ARHGAP22: variants seen among roughly 807,000 people sequenced by gnomAD.
ARHGAP22 encodes the protein Rho GTPase activating protein 22, also known as rho GTPase-activating protein 22.
In ARHGAP22, 48 loss-of-function variants were observed where a neutral mutation model predicts 59.1. That is an observed-to-expected ratio of 0.81 (90% CI 0.64 to 1.03). The LOEUF is 1.03. Among genes scored for constraint, ARHGAP22 ranks in the 50% least tolerant of loss-of-function variants. The pLI is 0.00. For synonymous variants in ARHGAP22, 445 were observed against 416.4 expected, an observed-to-expected ratio of 1.07 and a Z score of -0.84; for missense variants, 1,015 against 958.7, an observed-to-expected ratio of 1.06 and a Z score of -0.78.
chr10:48,549,731 C>T (rs77093048), intron 3 of ARHGAP22, among the ~76,000 whole-genome samples: 3,880 of 152,234 alleles, frequency 0.025, 174 homozygotes, highest in African/African-American at 0.09. Context: ...TATAGCTTTG[C>T]CTGCCCCCAA....
chr10:48,489,075 A>C (rs1053801195), intron 3 of ARHGAP22, among the ~76,000 whole-genome samples: 2 of 152,116 alleles, frequency 1.3e-5, no homozygotes, highest in African/African-American at 4.8e-5. Context: ...CATTGTTTCA[A>C]ATATTTTGTG....
chr10:48,515,930 C>T (rs1057343803), intron 3 of ARHGAP22, among the ~76,000 whole-genome samples: 5 of 151,890 alleles, frequency 3.3e-5, no homozygotes, highest in Non-Finnish European at 7.4e-5. Context: ...AGGAAGATCG[C>T]TTGAGCCCAG....
intron 3 of ARHGAP22, among the ~76,000 whole-genome samples, chr10:48,553,043 C>G (rs1484135157): frequency 6.6e-6 from 1 of 152,214 alleles, no homozygotes; most frequent in East Asian, 1.9e-4. Context: ...CAAGCATGAG[C>G]TTCGAGTGCA....
chr10:48,557,394 A>G (rs1349173047), intron 2 of ARHGAP22, among the ~76,000 whole-genome samples: 5 of 152,196 alleles, frequency 3.3e-5, no homozygotes, highest in African/African-American at 9.7e-5. Context: ...GCTAAATGGA[A>G]AAGCAGTAAT....
chr10:48,534,161 G>A (rs2055131287), intron 3 of ARHGAP22, among the ~76,000 whole-genome samples: 1 of 152,232 alleles, frequency 6.6e-6, no homozygotes. Flanking sequence ...CAGCTGCCAC[G>A]GATGCTGTTC....
At chr10:48,495,018 A>G (rs963903086) in intron 3 of ARHGAP22, among the ~76,000 whole-genome samples, 2 of 152,196 alleles carry the variant, frequency 1.3e-5, no homozygotes, top group East Asian at 3.9e-4. Context: ...CTCCCACCCA[A>G]TTAGTCTTAC....
intron 2 of ARHGAP22, among the ~76,000 whole-genome samples, chr10:48,577,806 T>G (rs1267522596): frequency 9.1e-5 from 10 of 109,492 alleles, no homozygotes; most frequent in South Asian, 4.1e-4. Context: ...TTTTGGTTTT[T>G]TTTTTTTTTT....
the ARHGAP22 span, chr10:48,436,706 G>A: frequency 7.9e-5 from 12 of 152,190 alleles, no homozygotes; most frequent in African/African-American, 2.9e-4. Flanking sequence ...CAATATTTAA[G>A]ATTAAAATAC....
chr10:48,524,529 C>T (rs1452305720), intron 3 of ARHGAP22, among the ~76,000 whole-genome samples: 2 of 152,042 alleles, frequency 1.3e-5, no homozygotes, highest in Non-Finnish European at 2.9e-5. Flanking sequence ...GGTGGGGGGC[C>T]ACACCGGCCT....
At chr10:48,475,272 G>A (rs4342982) in intron 4 of ARHGAP22, among the ~76,000 whole-genome samples, 24,580 of 151,932 alleles carry the variant, frequency 0.16, 2,635 homozygotes, top group East Asian at 0.61. Context: ...TCCCTCTTGG[G>A]GCTTGCTCTC....
intron 3 of ARHGAP22, among the ~76,000 whole-genome samples, chr10:48,530,780 C>T (rs899014320): frequency 9.9e-5 from 15 of 152,028 alleles, no homozygotes; most frequent in African/African-American, 3.6e-4. Context: ...TAGATGTTGG[C>T]GTGGATGTGG....
At chr10:48,627,064 T>G (rs1005806588) in intron 1 of ARHGAP22, among the ~76,000 whole-genome samples, 1 of 152,138 alleles carries the variant, frequency 6.6e-6, no homozygotes, top group African/African-American at 2.4e-5. Flanking sequence ...AGCTTCCGGG[T>G]TGGTGAACAC....
intron 5 of ARHGAP22, among the ~76,000 whole-genome samples, chr10:48,458,984 C>G (rs1589481090): frequency 6.6e-6 from 1 of 152,230 alleles, no homozygotes; most frequent in East Asian, 1.9e-4. Context: ...CCTGGTGGGC[C>G]CATCCTGGGG....
chr10:48,489,867 G>A (rs1237189515), intron 3 of ARHGAP22, among the ~76,000 whole-genome samples: 2 of 151,742 alleles, frequency 1.3e-5, no homozygotes, highest in African/African-American at 4.8e-5. Context: ...CCGAGTAGCT[G>A]GGACTACAGG....
intron 3 of ARHGAP22, among the ~76,000 whole-genome samples, chr10:48,529,189 G>A (rs2054599679): frequency 6.6e-6 from 1 of 152,208 alleles, no homozygotes; most frequent in South Asian, 2.1e-4. Flanking sequence ...CTGGAAGGGG[G>A]AGACTGGAGC....
Position 48,455,278 on chromosome 10 carries a change from C to T in ARHGAP22, c.660-144G>A, listed in dbSNP as rs996539333. The stretch of plus-strand genomic sequence containing the variant: ...TGGGGGCTGCATCTGCGGCCAGCTG[C>T]CCTGGTCAAGGAAAGGCCAGTGCTG... On this transcript the variant is annotated intron_variant, in intron 5 of 9. Coordinates refer to ENST00000249601, the MANE Select transcript of ARHGAP22 (RefSeq NM_021226.4). The T allele has an allele frequency of 1.9e-6, 2 of 1,031,342 alleles. 1 individual carries two copies. The highest frequency in any genetic ancestry group is 5.4e-5 in the East Asian group (2 of 36,760). The allele number at this position is 1,031,342 out of a possible 1,614,324, so 63.9% of individuals were successfully genotyped here.
intron 1 of ARHGAP22, among the ~76,000 whole-genome samples, chr10:48,643,758 A>T (rs1752721813): frequency 7.0e-6 from 1 of 143,278 alleles, no homozygotes; most frequent in African/African-American, 2.7e-5. Flanking sequence ...TAATTAAAAA[A>T]AAAAAAATAT....
chr10:48,444,028 TG>T (rs1432318860), downstream of ARHGAP22: 1 of 152,250 alleles, frequency 6.6e-6, no homozygotes, highest in Non-Finnish European at 1.5e-5. Flanking sequence ...TGAAGTATTC[TG>T]AGAGCAGAAT....
At chr10:48,555,854 G>A (rs1030186737) in intron 2 of ARHGAP22, among the ~76,000 whole-genome samples, 6 of 152,230 alleles carry the variant, frequency 3.9e-5, no homozygotes, top group African/African-American at 1.4e-4. Context: ...CTGATCCAGT[G>A]TGCCACCTAA....
Sources: allele counts gnomAD v4.1 joint callset (sites outside exome capture counted in the v4.1 genomes callset), GRCh38; gene constraint gnomAD v4.1.1; transcripts MANE v1.5; gene names NCBI Gene and HGNC (gene_info 2026-07-23, HGNC 2026-07-21).